MCM3AP: variants seen among roughly 807,000 people sequenced by gnomAD.
The protein encoded by MCM3AP is minichromosome maintenance complex component 3 associated protein.
A neutral mutation model predicts 184.1 loss-of-function variants in MCM3AP; 126 were observed. The observed-to-expected ratio is 0.68, with a 90% CI of 0.59 to 0.79. MCM3AP has a LOEUF of 0.79. Ranked by LOEUF, MCM3AP falls within the 30% of genes least tolerant of loss-of-function variation. The probability of loss-of-function intolerance (pLI) is 0.00; values close to 1 mark genes in which losing one functional copy is unlikely to be tolerated. For synonymous variants in MCM3AP, 1,002 were observed against 979.3 expected (o/e 1.02, Z -0.43); for missense variants, 2,496 against 2,479.2 (o/e 1.01, Z -0.14).
rs2081310083 is a variant in MCM3AP, at chr21:46,279,991, A to C, written c.1667+2T>G. ...AAGGTCATTAGGAGGGACCGATCCC[A>C]CCTTTTATTCAGGAGGCTGCTAGCA... On this transcript the variant is annotated splice_donor_variant, in intron 4 of 27. Coordinates refer to ENST00000291688, the MANE Select transcript of MCM3AP (RefSeq NM_003906.5). LOFTEE classifies it high-confidence loss of function. 3 of 1,608,910 alleles carry C rather than the reference A, an allele frequency of 1.9e-6. No homozygotes were observed. Among genetic ancestry groups the C allele is most frequent in the African/African-American group, 1.3e-5 (1 of 74,440 alleles).
intron 25 of MCM3AP, 175 bp from the exon 26 acceptor site, chr21:46,241,192 T>C: frequency 6.6e-6 from 4 of 607,848 alleles, no homozygotes; most frequent in Non-Finnish European, 1.2e-5. Context: ...CAAGCTTCCA[T>C]CAAGTCAGGG....
At position 46,275,314 on chromosome 21, in the gene MCM3AP, T is replaced by C; in HGVS notation, c.1870A>G (p.Arg624Gly). The part of the protein sequence containing the change: ...DRIMRQARVK[R>G]TDLDKARTFV... The stretch of plus-strand genomic sequence containing the variant: ...GTCCTCGCTTTGTCCAGATCGGTTC[T>C]CTTCACCCGAGCTAAATGACGTCAA... The change falls in exon 6 of 28, where the codon AGA becomes GGA. Residue 624 changes from arginine (R) to glycine (G), a missense_variant. Around this residue, in one of 5 missense-constraint regions of MCM3AP, gnomAD observed 130 missense variants for 199.8 expected, o/e 0.65. Coordinates refer to ENST00000291688, the MANE Select transcript of MCM3AP (RefSeq NM_003906.5). 6.2e-7 allele frequency: 1 copy of C among 1,612,706 alleles called. No individual in the cohort carries two copies. Among genetic ancestry groups the C allele is most frequent in the Non-Finnish European group, 8.5e-7 (1 of 1,179,564 alleles).
intron 2 of MCM3AP, among the ~76,000 whole-genome samples, chr21:46,282,086 T>C (rs956746438): frequency 4.6e-5 from 7 of 152,162 alleles, no homozygotes; most frequent in African/African-American, 9.7e-5. Context: ...GAGGACAGCT[T>C]GAGGACCGGA....
chr21:46,256,895 G>A lies in MCM3AP; in HGVS notation c.3826C>T (p.Leu1276=), dbSNP rs199914820. The A allele has an allele frequency of 1.2e-5, 19 of 1,606,250 alleles. No individual in the cohort carries two copies. In the Middle Eastern group the frequency reaches 5.0e-4, roughly 43 times the overall value. The change falls in exon 17 of 28, where the codon CTG becomes TTG. Residue 1276 remains leucine, a synonymous_variant. Transcript: ENST00000291688. The part of the protein sequence containing the change: ...APCCVDVSDR[L]RALAPSAECP... ...TCTGCGCTGGGCGCCAGCGCCCTCAGCCGGTCGCTCACGTCCACGCAGCAG... is the reference window on the plus strand; with the variant it reads ...TCTGCGCTGGGCGCCAGCGCCCTCAACCGGTCGCTCACGTCCACGCAGCAG...
chr21:46,274,011 A>G (rs2081223507), intron 6 of MCM3AP, among the ~76,000 whole-genome samples: 1 of 152,218 alleles, frequency 6.6e-6, no homozygotes, highest in Non-Finnish European at 1.5e-5. Flanking sequence ...CTGGCTGCCC[A>G]CCTGGGGCCT....
At chr21:46,246,996 CTG>C in intron 20 of MCM3AP, 110 bp from the exon 21 acceptor site, 1 of 1,169,872 alleles carries the variant, frequency 8.5e-7, no homozygotes, top group Non-Finnish European at 1.2e-6. Flanking sequence ...TAAATACTGA[CTG>C]TACTCCAGAC....
Position 46,283,636 on chromosome 21 carries a change from T to A in MCM3AP, c.1422A>T (p.Ala474=), listed in dbSNP as rs2081360293. 1 of 1,613,870 alleles carries A rather than the reference T, an allele frequency of 6.2e-7. No individual in the cohort carries two copies. Among genetic ancestry groups the A allele is most frequent in the Non-Finnish European group, 8.5e-7 (1 of 1,179,802 alleles). ...RIFTRRSKKL[A]VVHFFDHASA... The stretch of plus-strand genomic sequence containing the variant: ...TCACATGATCAAAGAAATGTACCAC[T>A]GCAAGCTTTTTGCTGCGCCTGGTAA... The change falls in exon 2 of 28, where the codon GCA becomes GCT. Residue 474 remains alanine (A), a synonymous_variant. Coordinates refer to ENST00000291688, the MANE Select transcript of MCM3AP (RefSeq NM_003906.5).
intron 9 of MCM3AP, chr21:46,267,586 TA>T (rs113683191): frequency 0.071 from 10,260 of 143,738 alleles, 464 homozygotes; most frequent in African/African-American, 0.14. Context: ...ACAAGAGCCT[TA>T]AAAAAAAAAA....
intron 10 of MCM3AP, chr21:46,266,401 T>G (rs1007783069): frequency 2.5e-6 from 1 of 406,044 alleles, no homozygotes; most frequent in African/African-American, 2.0e-5. Flanking sequence ...GCCTCCTTGC[T>G]GGCTCACCCA....
chr21:46,261,021 G>A, intron 14 of MCM3AP, 115 bp from the exon 15 acceptor site: 2 of 894,242 alleles, frequency 2.2e-6, no homozygotes, highest in Non-Finnish European at 3.5e-6. Context: ...TGAGTCGGTA[G>A]GCCACCCCTA....
At chr21:46,251,881 CTTTTTTTTTTTTTT>C (rs754670172) in intron 19 of MCM3AP, 199 bp from the exon 20 acceptor site, 2 of 125,224 alleles carry the variant, frequency 1.6e-5, no homozygotes, top group African/African-American at 7.0e-5. Flanking sequence ...TGTACTCGTT[CTTTTTTTTTTTTTT>C]TTTTTTTTGA....
intron 19 of MCM3AP, chr21:46,253,341 T>G (rs2080901170): frequency 6.6e-6 from 1 of 152,250 alleles, no homozygotes; most frequent in Non-Finnish European, 1.5e-5. Flanking sequence ...CAATGTACCT[T>G]AACACAGCTT....
chr21:46,236,816 A>G lies in MCM3AP; in HGVS notation c.5784+13T>C. On this transcript the variant is annotated intron_variant, in intron 27 of 27. Coordinates refer to ENST00000291688, the MANE Select transcript of MCM3AP (RefSeq NM_003906.5). ...ATTCTTATGTAAATGCCAAATGTAT[A>G]CGTTCTTCTCACCTGTGGGCTAGTA... is the stretch of plus-strand genomic sequence containing the variant. The G allele has an allele frequency of 6.6e-7, 1 of 1,525,164 alleles. No individual in the cohort carries two copies. The highest frequency in any genetic ancestry group is 8.8e-7 in the Non-Finnish European group (1 of 1,142,100). The allele number at this position is 1,525,164 out of a possible 1,614,324, so 94.5% of individuals were successfully genotyped here.
intron 8 of MCM3AP, among the ~76,000 whole-genome samples, chr21:46,271,317 C>A (rs1179078916): frequency 6.7e-6 from 1 of 149,764 alleles, no homozygotes; most frequent in Non-Finnish European, 1.5e-5. Context: ...CATGGGCCAC[C>A]ACACCTGGGT....
rs146488499 is a variant in MCM3AP at position 46,272,619 on chromosome 21, C to T, written c.2407G>A (p.Glu803Lys). 156 of 1,614,100 alleles carry T rather than the reference C, an allele frequency of 9.7e-5. No individual in the cohort carries two copies. Among genetic ancestry groups the T allele is most frequent in the Non-Finnish European group, 1.3e-4 (148 of 1,180,046 alleles). ...ACATTGTAGCCCTGGAACTCCGCTTCGCTGGCACAGAAGACACCCTTGTTT... is the reference window on the plus strand; with the variant it reads ...ACATTGTAGCCCTGGAACTCCGCTTTGCTGGCACAGAAGACACCCTTGTTT... ...LRNKGVFCAS[E>K]AEFQGYNVLL... is the part of the protein sequence containing the mutation. Residue 803 changes from glutamate (E) to lysine (K), a missense_variant, in exon 8 of 28, where the codon GAA becomes AAA. This residue lies in a region of MCM3AP where 105 missense variants were observed against 97.1 expected (regional missense o/e 1.08). Transcript: ENST00000291688.
chr21:46,281,663 T>A (rs947092531), intron 2 of MCM3AP, among the ~76,000 whole-genome samples: 2 of 151,522 alleles, frequency 1.3e-5, no homozygotes, highest in East Asian at 3.9e-4. Flanking sequence ...CTCAAAAAAA[T>A]AAATAAATAA....
At chr21:46,272,944 G>A in intron 7 of MCM3AP, 115 bp from the exon 8 acceptor site, 2 of 1,036,320 alleles carry the variant, frequency 1.9e-6, no homozygotes, top group Non-Finnish European at 2.8e-6. Context: ...CAAAGCCCAT[G>A]ATGCACATTT....
chr21:46,259,596 C>G (rs2081013354), intron 15 of MCM3AP, among the ~76,000 whole-genome samples: 1 of 151,878 alleles, frequency 6.6e-6, no homozygotes, highest in African/African-American at 2.4e-5. Flanking sequence ...ATGGTAGAAC[C>G]CCGTCTCTAC....
rs995664353 is a variant in MCM3AP at position 46,256,535 on chromosome 21, G to A, written c.3932+254C>T. ...AACACGTGATGCAGAGTCAGACTCAGGCACCAGGACGCTGAGTCTTTCAAG... is the reference window on the plus strand; with the variant it reads ...AACACGTGATGCAGAGTCAGACTCAAGCACCAGGACGCTGAGTCTTTCAAG... On this transcript the variant is annotated intron_variant, in intron 17 of 27. Transcript: ENST00000291688. 4 of 537,780 alleles carry A rather than the reference G, an allele frequency of 7.4e-6. 1 individual carries two copies. In the African/African-American group the frequency reaches 7.6e-5, roughly 10 times the overall value. 33.3% of individuals were successfully genotyped at this position (537,780 alleles called of 1,614,324 possible). A position where few individuals can be genotyped will look rare whatever the true frequency, so the allele number is the denominator to read the frequency against.
Sources: gnomAD v4.1 joint callset for allele counts (sites outside exome capture counted in the v4.1 genomes callset) on GRCh38, gnomAD v4.1.1 for gene constraint, gnomAD v4.1.1 regional missense constraint, MANE v1.5 for transcripts, NCBI Gene and HGNC (gene_info 2026-07-23, HGNC 2026-07-21) for gene names.